EPG5: variants seen among roughly 807,000 people sequenced by gnomAD.
EPG5 encodes the protein ectopic P-granules 5 autophagy tethering factor, also known as ectopic P granules protein 5 homolog.
In EPG5, 159 loss-of-function variants were observed where a neutral mutation model predicts 302.7. That is an observed-to-expected ratio of 0.53 (90% CI 0.46 to 0.60). EPG5 has a LOEUF of 0.60. Among genes scored for constraint, EPG5 ranks in the 20% least tolerant of loss-of-function variants. The pLI is 0.00. For missense variants in EPG5, 2,896 were observed against 3,092.4 expected (o/e 0.94, Z 1.51); for synonymous variants, 1,158 against 1,136.8 (o/e 1.02, Z -0.37).
At chr18:45,949,885 T>C (rs1195147308) in intron 4 of EPG5, among the ~76,000 whole-genome samples, 1 of 152,234 alleles carries the variant, frequency 6.6e-6, no homozygotes, top group Admixed American at 6.5e-5. Flanking sequence ...GTTTAATCTA[T>C]TCTTAGTTTG....
the EPG5 span, chr18:45,829,131 G>A: frequency 1.0e-6 from 1 of 985,550 alleles, no homozygotes; most frequent in Non-Finnish European, 1.2e-6. Flanking sequence ...TCTGGGGTGG[G>A]CACAGGCCCC....
chr18:45,934,538 C>A (rs142244618), intron 11 of EPG5, among the ~76,000 whole-genome samples: 2 of 152,250 alleles, frequency 1.3e-5, no homozygotes, highest in East Asian at 3.9e-4. Context: ...AATAATTTCA[C>A]ACACACATGC....
chr18:45,958,562 A>T (rs2051080345), intron 1 of EPG5, among the ~76,000 whole-genome samples: 1 of 152,234 alleles, frequency 6.6e-6, no homozygotes, highest in Admixed American at 6.5e-5. Flanking sequence ...AAAACAATTC[A>T]ATGGGGAAAT....
the EPG5 span, among the ~76,000 whole-genome samples, chr18:45,814,957 C>A: frequency 1.3e-5 from 2 of 152,290 alleles, no homozygotes; most frequent in African/African-American, 4.8e-5. Flanking sequence ...AGGACAATGA[C>A]CCTGGGAACT....
At chr18:45,908,806 G>A (rs1172318930) in intron 23 of EPG5, among the ~76,000 whole-genome samples, 8 of 152,060 alleles carry the variant, frequency 5.3e-5, no homozygotes, top group African/African-American at 1.9e-4. Context: ...AAAATGAGCC[G>A]GGTGTGGTGG....
At chr18:45,883,024 A>AAAG (rs1213460233) in intron 30 of EPG5, among the ~76,000 whole-genome samples, 1 of 151,890 alleles carries the variant, frequency 6.6e-6, no homozygotes, top group African/African-American at 2.4e-5. Context: ...AAAAAAAAAA[A>AAAG]AAAAAAAGTA....
chr18:45,868,533 TTTTTA>T (rs2048798153), intron 36 of EPG5, among the ~76,000 whole-genome samples: 1 of 151,200 alleles, frequency 6.6e-6, no homozygotes, highest in Non-Finnish European at 1.5e-5. Context: ...TATTGCTTAT[TTTTTA>T]TTTTATTTTT....
intron 24 of EPG5, among the ~76,000 whole-genome samples, chr18:45,906,655 A>AC (rs1229325368): frequency 4.9e-5 from 7 of 143,580 alleles, no homozygotes; most frequent in African/African-American, 1.8e-4. Context: ...CACTCTCGTA[A>AC]TTTTTTTTTT....
chr18:45,964,822 C>G (rs542124374), intron 1 of EPG5, among the ~76,000 whole-genome samples: 79 of 152,086 alleles, frequency 5.2e-4, no homozygotes, highest in Non-Finnish European at 5.6e-4. Flanking sequence ...ACAAAAATTA[C>G]CCAGCCTGTA....
chr18:45,884,140 C>T, intron 30 of EPG5, among the ~76,000 whole-genome samples: 1 of 151,980 alleles, frequency 6.6e-6, no homozygotes, highest in South Asian at 2.1e-4. Flanking sequence ...GGAATTAGGT[C>T]CTTTTTACAC....
chr18:45,914,154 T>C (rs773933810), intron 20 of EPG5, among the ~76,000 whole-genome samples: 22 of 152,176 alleles, frequency 1.4e-4, no homozygotes, highest in Non-Finnish European at 2.6e-4. Context: ...CTTTAAGAAG[T>C]CTTCCATCTA....
chr18:45,925,852 A>G lies in EPG5; in HGVS notation c.2604T>C (p.Ser868=). The G allele has an allele frequency of 1.3e-6, 2 of 1,568,996 alleles. No individual in the cohort carries two copies. Among genetic ancestry groups the G allele is most frequent in the East Asian group, 2.3e-5 (1 of 42,988 alleles). ...CCCGAATCACCGCTATCTCAGATGC[A>G]GAAGGTTGCCAAAGATACAAAGGCA... ...KELPLYLWQP[S]ASEIAVIRDW... Residue 868 remains serine (S), a synonymous_variant, in exon 14 of 44, where the codon TCT becomes TCC. Transcript: ENST00000282041.
intron 36 of EPG5, chr18:45,868,102 A>C (rs2048786015): frequency 2.2e-6 from 1 of 463,294 alleles, no homozygotes; most frequent in Admixed American, 2.3e-5. Flanking sequence ...AGGACAGGGC[A>C]AAGTTGAAAT....
intron 1 of EPG5, among the ~76,000 whole-genome samples, chr18:45,961,158 T>G (rs1054196693): frequency 2.6e-5 from 4 of 152,160 alleles, no homozygotes; most frequent in African/African-American, 9.7e-5. Context: ...CATCACCTCT[T>G]GCCTGGGTGA....
chr18:45,856,313 T>C (rs1413481588), intron 42 of EPG5, among the ~76,000 whole-genome samples: 1 of 152,240 alleles, frequency 6.6e-6, no homozygotes, highest in Non-Finnish European at 1.5e-5. Flanking sequence ...CATTATATGA[T>C]TCCATTTATA....
chr18:45,945,607 T>C (rs2050770105), intron 7 of EPG5, among the ~76,000 whole-genome samples: 2 of 152,284 alleles, frequency 1.3e-5, no homozygotes, highest in African/African-American at 4.8e-5. Context: ...TTAATCATTA[T>C]CTGTCTGGGA....
intron 28 of EPG5, among the ~76,000 whole-genome samples, chr18:45,889,502 A>G (rs1216962014): frequency 2.0e-5 from 3 of 152,184 alleles, no homozygotes. Context: ...CTTTTTCTAT[A>G]TAGGGCCAGA....
At chr18:45,885,321 A>G (rs1397779644) in intron 29 of EPG5, among the ~76,000 whole-genome samples, 1 of 152,166 alleles carries the variant, frequency 6.6e-6, no homozygotes, top group Non-Finnish European at 1.5e-5. Flanking sequence ...CCTGGGCGAC[A>G]GAGCAAGATG....
At chr18:45,899,306 C>G in intron 27 of EPG5, 98 bp downstream of exon 27, 27 of 1,362,392 alleles carry the variant, frequency 2.0e-5, no homozygotes, top group Non-Finnish European at 2.7e-5. Flanking sequence ...GGGACACAGA[C>G]AGTGTGCTAT....
Sources: allele counts gnomAD v4.1 joint callset (sites outside exome capture counted in the v4.1 genomes callset), GRCh38; gene constraint gnomAD v4.1.1; transcripts MANE v1.5; gene names NCBI Gene and HGNC (gene_info 2026-07-23, HGNC 2026-07-21).